CLYBL: variants seen among roughly 807,000 people sequenced by gnomAD.
The protein encoded by CLYBL is citramalyl-CoA lyase.
In CLYBL, 31 loss-of-function variants were observed where a neutral mutation model predicts 38.9. The ratio of observed to expected loss-of-function variants is 0.80; its 90% CI spans 0.60 to 1.08. CLYBL has a LOEUF of 1.08. Ranked by LOEUF, CLYBL falls within the 50% of genes least tolerant of loss-of-function variation. The probability of loss-of-function intolerance (pLI) is 0.00; values close to 1 mark genes in which losing one functional copy is unlikely to be tolerated. For missense variants in CLYBL, 434 were observed against 411.6 expected, an observed-to-expected ratio of 1.05 and a Z score of -0.47; for synonymous variants, 171 against 158.6, an observed-to-expected ratio of 1.08 and a Z score of -0.59.
At position 99,772,866 on chromosome 13, in the gene CLYBL, T is replaced by TTCC; in HGVS notation, c.108_110dup (p.Ser38dup). ...CTGATATCCCCAGACTTGGATATAG[T>TTCC]TCCTCATCCCATCACAAGTACATCC... On this transcript the variant is annotated inframe_insertion, in exon 2 of 9. Coordinates refer to ENST00000339105, the MANE Select transcript of CLYBL (RefSeq NM_206808.5). 1.2e-6 allele frequency: 2 copies of TTCC among 1,612,416 alleles called. No homozygotes were observed. Among genetic ancestry groups the TTCC allele is most frequent in the Non-Finnish European group, 1.7e-6 (2 of 1,179,670 alleles).
chr13:99,788,232 C>A (rs2049840422), intron 2 of CLYBL, among the ~76,000 whole-genome samples: 1 of 152,148 alleles, frequency 6.6e-6, no homozygotes, highest in African/African-American at 2.4e-5. Flanking sequence ...ACTTCCAACA[C>A]TATGTTGAAT....
chr13:99,766,896 A>T (rs2049279944), intron 1 of CLYBL, among the ~76,000 whole-genome samples: 1 of 151,806 alleles, frequency 6.6e-6, no homozygotes, highest in Non-Finnish European at 1.5e-5. Context: ...CTAAACAGCC[A>T]CTCTGATTTG....
intron 1 of CLYBL, among the ~76,000 whole-genome samples, chr13:99,631,633 C>T (rs147281559): frequency 0.013 from 1,916 of 151,582 alleles, 47 homozygotes; most frequent in African/African-American, 0.044. Context: ...GAGTCTCGCT[C>T]AGTCGCCCAG....
At chr13:99,818,324 A>C (rs1555312209) in intron 2 of CLYBL, among the ~76,000 whole-genome samples, 1 of 151,830 alleles carries the variant, frequency 6.6e-6, no homozygotes, top group Non-Finnish European at 1.5e-5. Flanking sequence ...AAAACTTTTC[A>C]CTCTCTGTGT....
At chr13:99,762,546 G>C (rs945550923) in intron 1 of CLYBL, among the ~76,000 whole-genome samples, 2 of 152,158 alleles carry the variant, frequency 1.3e-5, no homozygotes, top group African/African-American at 2.4e-5. Flanking sequence ...TTTTATGCGG[G>C]TACCATGCTG....
chr13:99,808,455 A>C (rs1188349843), intron 2 of CLYBL, among the ~76,000 whole-genome samples: 1 of 152,008 alleles, frequency 6.6e-6, no homozygotes. Flanking sequence ...CCCATAAGCA[A>C]CTTTAGTCAC....
intron 2 of CLYBL, among the ~76,000 whole-genome samples, chr13:99,835,295 G>A (rs562993681): frequency 8.1e-4 from 123 of 152,348 alleles, no homozygotes; most frequent in African/African-American, 2.9e-3. Context: ...GAAAGAGGTA[G>A]CCGGGTGGTC....
chr13:99,878,067 A>C (rs1262888743), intron 7 of CLYBL, among the ~76,000 whole-genome samples: 1 of 152,206 alleles, frequency 6.6e-6, no homozygotes, highest in African/African-American at 2.4e-5. Flanking sequence ...TTGGGCAGAA[A>C]TAGGTACACG....
intron 1 of CLYBL, among the ~76,000 whole-genome samples, chr13:99,683,236 T>G (rs920421063): frequency 2.7e-5 from 4 of 145,950 alleles, no homozygotes; most frequent in African/African-American, 1.1e-4. Context: ...TGCCCCCCCC[T>G]ACACCAGGCT....
chr13:99,671,958 T>C (rs1425718524), intron 1 of CLYBL, among the ~76,000 whole-genome samples: 1 of 152,018 alleles, frequency 6.6e-6, no homozygotes, highest in African/African-American at 2.4e-5. Flanking sequence ...TCGCCCTCAC[T>C]CCACCCTTCA....
intron 1 of CLYBL, among the ~76,000 whole-genome samples, chr13:99,663,048 A>T (rs1257770862): frequency 1.3e-5 from 2 of 152,234 alleles, no homozygotes; most frequent in East Asian, 1.9e-4. Flanking sequence ...GGGGAATGAG[A>T]TGCAGTTAAT....
At chr13:99,773,245 A>G (rs1183840589) in intron 2 of CLYBL, among the ~76,000 whole-genome samples, 1 of 152,198 alleles carries the variant, frequency 6.6e-6, no homozygotes, top group Non-Finnish European at 1.5e-5. Context: ...AGATGAGACT[A>G]TGTGTATGTA....
At chr13:99,877,581 T>C in intron 7 of CLYBL, 1 of 355,748 alleles carries the variant, frequency 2.8e-6, no homozygotes, top group Non-Finnish European at 5.4e-6. Flanking sequence ...CTTTTTTTTT[T>C]TTTTTTTTTT....
At chr13:99,881,006 C>T (rs1011544972) in intron 7 of CLYBL, among the ~76,000 whole-genome samples, 3 of 152,252 alleles carry the variant, frequency 2.0e-5, no homozygotes, top group Non-Finnish European at 1.5e-5. Flanking sequence ...GCTCAGCATG[C>T]TGCTCCCGTC....
intron 1 of CLYBL, among the ~76,000 whole-genome samples, chr13:99,682,587 C>G (rs1186384462): frequency 6.6e-6 from 1 of 152,114 alleles, no homozygotes; most frequent in Non-Finnish European, 1.5e-5. Context: ...CTGGGTGAGT[C>G]AGTGAGTGAG....
intron 4 of CLYBL, among the ~76,000 whole-genome samples, chr13:99,863,355 A>G (rs1289509362): frequency 6.6e-6 from 1 of 152,242 alleles, no homozygotes; most frequent in Non-Finnish European, 1.5e-5. Flanking sequence ...CCTAGTAACA[A>G]TTTTAACTAA....
intron 1 of CLYBL, among the ~76,000 whole-genome samples, chr13:99,750,207 C>T (rs1171802623): frequency 2.0e-5 from 3 of 152,178 alleles, no homozygotes; most frequent in Non-Finnish European, 2.9e-5. Context: ...CCCTCAGCCC[C>T]CTCAAAGGAT....
chr13:99,728,381 C>T (rs977074448), intron 1 of CLYBL, among the ~76,000 whole-genome samples: 1 of 150,488 alleles, frequency 6.6e-6, no homozygotes, highest in Non-Finnish European at 1.5e-5. Flanking sequence ...TGGGTTCAAG[C>T]GATTATCCTG....
At chr13:99,809,933 C>T (rs1190468015) in intron 2 of CLYBL, among the ~76,000 whole-genome samples, 1 of 152,234 alleles carries the variant, frequency 6.6e-6, no homozygotes, top group Non-Finnish European at 1.5e-5. Flanking sequence ...GACATCAGCT[C>T]ATCCATCCCG....
Sources: allele counts gnomAD v4.1 joint callset (sites outside exome capture counted in the v4.1 genomes callset), GRCh38; gene constraint gnomAD v4.1.1; transcripts MANE v1.5; gene names NCBI Gene and HGNC (gene_info 2026-07-23, HGNC 2026-07-21).